ZNF641: variants seen among roughly 807,000 people sequenced by gnomAD.
ZNF641 encodes zinc finger protein 641.
In ZNF641, 26 loss-of-function variants were observed where a neutral mutation model predicts 46.2. The ratio of observed to expected loss-of-function variants is 0.56; its 90% CI spans 0.41 to 0.78. ZNF641 has a LOEUF of 0.78. ZNF641 is among the 30% of genes least tolerant of loss of function. ZNF641 has a pLI of 0.00. For missense variants in ZNF641, 469 were observed against 517.8 expected, an observed-to-expected ratio of 0.91 and a Z score of 0.91; for synonymous variants, 163 against 187.9, an observed-to-expected ratio of 0.87 and a Z score of 1.09.
At chr12:48,351,172 G>C (rs999841381), upstream of ZNF641, 2 of 152,256 alleles carry the variant, frequency 1.3e-5, no homozygotes, top group South Asian at 2.1e-4. Context: ...ATCGCAGCCT[G>C]CTGTGGCCAC....
downstream of ZNF641, among the ~76,000 whole-genome samples, chr12:48,336,857 G>A (rs955867589): frequency 1.3e-5 from 2 of 152,174 alleles, no homozygotes; most frequent in African/African-American, 4.8e-5. Flanking sequence ...CTCGTGCTGG[G>A]TGATCTCCCT....
In ZNF641 at chr12:48,340,000, T is replaced by C; in HGVS notation, c.*2973A>G. 1.0e-6 allele frequency: 1 copy of C among 985,466 alleles called. No individual in the cohort carries two copies. The highest frequency in any genetic ancestry group is 1.2e-6 in the Non-Finnish European group (1 of 829,938). The allele number at this position is 985,466 out of a possible 1,614,324, so 61.0% of individuals were successfully genotyped here. A position where few individuals can be genotyped will look rare whatever the true frequency, so the allele number is the denominator to read the frequency against. ...AAATGTGACAGGTTCCTGAAGATGA[T>C]ATCCCTGTTTTACATTTTGCCCAAA... On this transcript the variant is annotated 3_prime_UTR_variant, in exon 6 of 6. Transcript: ENST00000547026.
rs1323322245 is a variant in ZNF641, at chr12:48,343,358, T to C, written c.890A>G (p.Gln297Arg). The C allele has an allele frequency of 3.1e-6, 5 of 1,614,042 alleles. No individual in the cohort carries two copies. The highest frequency in any genetic ancestry group is 4.2e-6 in the Non-Finnish European group (5 of 1,180,030). ...FGRRHHLIRH[Q>R]KTHLHDKTSR... The stretch of plus-strand genomic sequence containing the variant: ...GGTCTTGTCATGTAGGTGGGTTTTC[T>C]GGTGCCTGATGAGGTGATGTCTTCG... The change falls in exon 6 of 6, where the codon CAG (glutamine) becomes CGG (arginine). Residue 297 changes from glutamine to arginine, a missense_variant. By Grantham distance (43) the Gln-to-Arg change is conservative. Around this residue, in one of 3 missense-constraint regions of ZNF641, gnomAD observed 346 missense variants for 354.0 expected, o/e 0.98. Transcript: ENST00000547026.
In ZNF641 at chr12:48,350,290, A is replaced by G. The variant is rs1213409205; in HGVS notation, c.-26+496T>C. The stretch of plus-strand genomic sequence containing the variant: ...GCCATGTTATAAAAATGAGTAGCCC[A>G]AGGGCACACGGACGAGTTGGCTCCG... On this transcript the variant is annotated intron_variant, in intron 1 of 5. Coordinates refer to ENST00000547026, the MANE Select transcript of ZNF641 (RefSeq NM_001172681.2). The G allele has an allele frequency of 6.6e-6, 9 of 1,362,220 alleles. No individual in the cohort carries two copies. In the East Asian group the frequency reaches 2.1e-4, roughly 32 times the overall value. The allele number at this position is 1,362,220 out of a possible 1,614,324, so 84.4% of individuals were successfully genotyped here. A position where few individuals can be genotyped will look rare whatever the true frequency, so the allele number is the denominator to read the frequency against.
At chr12:48,348,545 G>T (rs944316505) in intron 1 of ZNF641, among the ~76,000 whole-genome samples, 1 of 151,650 alleles carries the variant, frequency 6.6e-6, no homozygotes, top group Non-Finnish European at 1.5e-5. Context: ...TCACACAGAA[G>T]ATTTTCTGCC....
At chr12:48,349,923 G>A in intron 1 of ZNF641, 2 of 1,159,710 alleles carry the variant, frequency 1.7e-6, no homozygotes, top group Non-Finnish European at 1.3e-6. Flanking sequence ...CCAGGTAGCA[G>A]AGTCTCTTAA....
At chr12:48,343,851 G>T in intron 5 of ZNF641, 124 bp from the exon 6 acceptor site, 3 of 893,026 alleles carry the variant, frequency 3.4e-6, no homozygotes, top group Non-Finnish European at 4.8e-6. Flanking sequence ...AGGGCTGAGA[G>T]AACATAGTCT....
Position 48,342,747 on chromosome 12 carries a change from A to G in ZNF641, c.*226T>C, listed in dbSNP as rs952745457. 2 of 1,358,430 alleles carry G rather than the reference A, an allele frequency of 1.5e-6. No homozygotes were observed. The highest frequency in any genetic ancestry group is 2.9e-5 in the African/African-American group (2 of 68,366). 84.1% of individuals were successfully genotyped at this position (1,358,430 alleles called of 1,614,324 possible). On this transcript the variant is annotated 3_prime_UTR_variant, in exon 6 of 6. Transcript: ENST00000547026. ...GCTCAGGCTGAATATCAGCCCATGT[A>G]GGATGCATTGCTTCCCAAAAGTTTT...
At position 48,347,926 on chromosome 12, in the gene ZNF641, T is replaced by C. The variant is rs1241542925; in HGVS notation, c.165A>G (p.Pro55=). 3 of 1,614,098 alleles carry C rather than the reference T, an allele frequency of 1.9e-6. No homozygotes were observed. In the African/African-American group the frequency reaches 4.0e-5, roughly 22 times the overall value. The change falls in exon 2 of 6, where the codon CCA becomes CCG. Residue 55 remains proline (P), a synonymous_variant. Transcript: ENST00000547026. The part of the protein sequence containing the change: ...EHLCCDLEEE[P]QSLQEKAQSA... Reference sequence around the variant, plus strand: ...TCTCACCCTTCTCCTGAAGGGACTGTGGCTCCTCTTCAAGGTCACAGCACA... The same window carrying C: ...TCTCACCCTTCTCCTGAAGGGACTGCGGCTCCTCTTCAAGGTCACAGCACA...
rs910614794 is a variant in ZNF641 at position 48,338,797 on chromosome 12, A to C, written c.*4176T>G. On this transcript the variant is annotated 3_prime_UTR_variant, in exon 6 of 6. Transcript: ENST00000547026. Reference sequence around the variant, plus strand: ...ATAGGGTATGCCAAATCATGGTTAGAAATCCCTTCCATGGCCCCTCGTTGG... The same window carrying C: ...ATAGGGTATGCCAAATCATGGTTAGCAATCCCTTCCATGGCCCCTCGTTGG... 2.0e-5 allele frequency: 3 copies of C among 152,168 alleles called. No homozygotes were observed. Among genetic ancestry groups the C allele is most frequent in the Admixed American group, 2.0e-4 (3 of 15,276 alleles). 9.4% of individuals were successfully genotyped at this position (152,168 alleles called of 1,614,324 possible).
At position 48,348,020 on chromosome 12, in the gene ZNF641, T is replaced by A. The variant is rs376261392; in HGVS notation, c.71A>T (p.Glu24Val). ...ESMNVQLDGAEPQVERGSQEE... is the reference protein window; with the variant it reads ...ESMNVQLDGAVPQVERGSQEE... Reference sequence around the variant, plus strand: ...CTGGCTTCCCCTTTCCACCTGGGGCTCTGCTCCATCCAGCTGTACATTCAT... The same window carrying A: ...CTGGCTTCCCCTTTCCACCTGGGGCACTGCTCCATCCAGCTGTACATTCAT... Residue 24 changes from glutamate (E) to valine (V), a missense_variant, in exon 2 of 6, where the codon GAG becomes GTG. Glu to Val is a moderately radical substitution (Grantham distance 121, BLOSUM62 -2). Coordinates refer to ENST00000547026, the MANE Select transcript of ZNF641 (RefSeq NM_001172681.2). The A allele has an allele frequency of 1.9e-6, 3 of 1,614,190 alleles. No homozygotes were observed. Among genetic ancestry groups the A allele is most frequent in the Non-Finnish European group, 2.5e-6 (3 of 1,180,022 alleles).
intron 1 of ZNF641, 31 bp downstream of exon 1, chr12:48,350,739 GCGTCCCTCCCTCCAGC>G (rs1953011756): frequency 1.2e-6 from 1 of 830,684 alleles, no homozygotes; most frequent in Non-Finnish European, 1.5e-6. Flanking sequence ...GGGAAGCCAG[GCGTCCCTCCCTCCAGC>G]CGCAGCTCCC....
chr12:48,350,323 G>A, intron 1 of ZNF641: 1 of 1,111,374 alleles, frequency 9.0e-7, no homozygotes, highest in Non-Finnish European at 1.2e-6. Flanking sequence ...CCGTCCATCA[G>A]AGAACCCTGG....
chr12:48,345,561 G>C lies in ZNF641; in HGVS notation c.277-87C>G, dbSNP rs185158237. 237 of 1,549,950 alleles carry C rather than the reference G, an allele frequency of 1.5e-4. No individual in the cohort carries two copies. The African/African-American group carries it at 2.8e-3, about 18-fold the overall frequency. On this transcript the variant is annotated intron_variant, in intron 3 of 5. Transcript: ENST00000547026. ...TGAAAGGCTAAGTTAGTAGAGGAGA[G>C]AGGGTGAGAAATGATCTGAGAAAAG...
chr12:48,341,727 C>A lies in ZNF641; in HGVS notation c.*1246G>T. 1 of 985,460 alleles carries A rather than the reference C, an allele frequency of 1.0e-6. No individual in the cohort carries two copies. Among genetic ancestry groups the A allele is most frequent in the Non-Finnish European group, 1.2e-6 (1 of 829,932 alleles). The allele number at this position is 985,460 out of a possible 1,614,324, so 61.0% of individuals were successfully genotyped here. On this transcript the variant is annotated 3_prime_UTR_variant, in exon 6 of 6. Transcript: ENST00000547026. ...ATACAAAGTTTCTATGTGCCTCTTG[C>A]CTGAAATCAACAAGAAACAGCTCAC...
At chr12:48,347,388 T>A in intron 2 of ZNF641, 45 bp from the exon 3 acceptor site, 1 of 1,532,692 alleles carries the variant, frequency 6.5e-7, no homozygotes, top group Non-Finnish European at 8.8e-7. Flanking sequence ...CGATCTACCC[T>A]TTCTCAATGG....
Position 48,342,574 on chromosome 12 carries a change from CCTTT to C in ZNF641, c.*395_*398del, listed in dbSNP as rs1168256232. The C allele has an allele frequency of 4.7e-5, 21 of 442,954 alleles. No homozygotes were observed. The highest frequency in any genetic ancestry group is 2.3e-4 in the African/African-American group (11 of 46,872). 27.4% of individuals were successfully genotyped at this position (442,954 alleles called of 1,614,324 possible). A position where few individuals can be genotyped will look rare whatever the true frequency, so the allele number is the denominator to read the frequency against. ...CAGAGCCTTTAATATTCTAAAATGG[CCTTT>C]CTGTCTATATATAGAGAAAATATAA... On this transcript the variant is annotated 3_prime_UTR_variant, in exon 6 of 6. Transcript: ENST00000547026.
Position 48,340,757 on chromosome 12 carries a change from G to A in ZNF641, c.*2216C>T. 1.0e-6 allele frequency: 1 copy of A among 985,396 alleles called. No homozygotes were observed. The highest frequency in any genetic ancestry group is 1.2e-6 in the Non-Finnish European group (1 of 829,906). 61.0% of individuals were successfully genotyped at this position (985,396 alleles called of 1,614,324 possible). On this transcript the variant is annotated 3_prime_UTR_variant, in exon 6 of 6. Coordinates refer to ENST00000547026, the MANE Select transcript of ZNF641 (RefSeq NM_001172681.2). ...GGTTTCTGTCAGATTCAACAGGTCTGTACCCAAGACAGGTTCTGAACCATT... is the reference window on the plus strand; with the variant it reads ...GGTTTCTGTCAGATTCAACAGGTCTATACCCAAGACAGGTTCTGAACCATT...
chr12:48,350,986 C>T (rs965827029), upstream of ZNF641: 12 of 255,812 alleles, frequency 4.7e-5, no homozygotes, highest in South Asian at 2.1e-3. Context: ...GGCGGAGGTG[C>T]GGGGAGTGGG....
Sources: gnomAD v4.1 joint callset for allele counts (sites outside exome capture counted in the v4.1 genomes callset) on GRCh38, gnomAD v4.1.1 for gene constraint, gnomAD v4.1.1 regional missense constraint, MANE v1.5 for transcripts, NCBI Gene and HGNC (gene_info 2026-07-23, HGNC 2026-07-21) for gene names.